The following TDRD3 variants were observed in gnomAD, a reference collection of about 807,000 sequenced individuals.
The protein encoded by TDRD3 is tudor domain-containing protein 3.
TDRD3 carries 45 observed loss-of-function variants against 86.7 expected under a neutral mutation model. The observed-to-expected ratio is 0.52, with a 90% confidence interval of 0.41 to 0.67. The LOEUF (loss-of-function observed/expected upper bound fraction) is 0.67. Among genes scored for constraint, TDRD3 ranks in the 30% least tolerant of loss-of-function variants. The pLI, the probability that TDRD3 is intolerant of heterozygous loss-of-function variation, is 0.00. For synonymous variants in TDRD3, 298 were observed against 301.7 expected, an observed-to-expected ratio of 0.99 and a Z score of 0.13; for missense variants, 814 against 889.0, an observed-to-expected ratio of 0.92 and a Z score of 1.07.
intron 12 of TDRD3, among the ~76,000 whole-genome samples, chr13:60,550,434 G>A (rs1958022756): frequency 6.6e-6 from 1 of 152,078 alleles, no homozygotes; most frequent in Non-Finnish European, 1.5e-5. Context: ...CAATAGTCAT[G>A]TTCTTGGAGG....
chr13:60,406,789 C>T (rs886907783), intron 1 of TDRD3, among the ~76,000 whole-genome samples: 1 of 152,150 alleles, frequency 6.6e-6, no homozygotes, highest in African/African-American at 2.4e-5. Context: ...TTAAAACACT[C>T]TTTATAAATT....
intron 1 of TDRD3, among the ~76,000 whole-genome samples, chr13:60,397,737 G>A (rs948417163): frequency 6.6e-6 from 1 of 151,396 alleles, no homozygotes; most frequent in Non-Finnish European, 1.5e-5. Context: ...GCGCCGGGGA[G>A]GACCTGCAGC....
chr13:60,568,154 T>C (rs938045218), intron 13 of TDRD3, among the ~76,000 whole-genome samples: 5 of 152,214 alleles, frequency 3.3e-5, no homozygotes, highest in African/African-American at 1.2e-4. Flanking sequence ...GGTTAAAAAT[T>C]AGTTCTGCCA....
At chr13:60,524,506 C>CAAA (rs71092681) in intron 10 of TDRD3, among the ~76,000 whole-genome samples, 2 of 141,904 alleles carry the variant, frequency 1.4e-5, no homozygotes, top group Admixed American at 1.4e-4. Context: ...GGCTCCATCT[C>CAAA]AAAAAAAAAA....
intron 1 of TDRD3, among the ~76,000 whole-genome samples, chr13:60,420,387 T>C (rs1426045427): frequency 6.6e-6 from 1 of 152,082 alleles, no homozygotes; most frequent in Non-Finnish European, 1.5e-5. Flanking sequence ...TCAGTTTTTT[T>C]TTTCTTTTAT....
intron 1 of TDRD3, among the ~76,000 whole-genome samples, chr13:60,419,686 G>A (rs1954608805): frequency 1.3e-5 from 2 of 151,956 alleles, no homozygotes; most frequent in African/African-American, 2.4e-5. Flanking sequence ...AATGCATGTG[G>A]GGCTTAAAAC....
At chr13:60,525,376 G>T (rs534808014) in intron 10 of TDRD3, among the ~76,000 whole-genome samples, 8 of 151,544 alleles carry the variant, frequency 5.3e-5, no homozygotes, top group African/African-American at 1.7e-4. Context: ...GTTTCACCAT[G>T]TTGGCCAGGC....
rs369856917 is a variant in TDRD3 at position 60,483,770 on chromosome 13, C to T, written c.496-5C>T. ...TGCTCTTTTGTGACTGGATTTTTTC[C>T]GCAGAGCTTATCAAAACACAATAGA... On this transcript the variant is annotated splice_polypyrimidine_tract_variant and splice_region_variant and intron_variant, in intron 5 of 13. Transcript: ENST00000377881. The T allele has an allele frequency of 6.8e-5, 109 of 1,601,124 alleles. No individual in the cohort carries two copies. The highest frequency in any genetic ancestry group is 3.5e-4 in the African/African-American group (26 of 74,086).
intron 12 of TDRD3, among the ~76,000 whole-genome samples, chr13:60,564,704 T>G (rs1958409667): frequency 6.6e-6 from 1 of 152,188 alleles, no homozygotes; most frequent in Non-Finnish European, 1.5e-5. Context: ...TAAAAAATGT[T>G]TGTAAACTAT....
At chr13:60,481,855 T>C (rs1566229768) in intron 5 of TDRD3, among the ~76,000 whole-genome samples, 1 of 152,202 alleles carries the variant, frequency 6.6e-6, no homozygotes, top group Non-Finnish European at 1.5e-5. Context: ...CTATTTTCCT[T>C]TAATGAGTAT....
In TDRD3 at chr13:60,510,620, G is replaced by T; in HGVS notation, c.1016-10G>T. The T allele has an allele frequency of 6.3e-7, 1 of 1,581,848 alleles. No individual in the cohort carries two copies. The highest frequency in any genetic ancestry group is 8.6e-7 in the Non-Finnish European group (1 of 1,166,910). On this transcript the variant is annotated splice_polypyrimidine_tract_variant and intron_variant, in intron 9 of 13. Coordinates refer to ENST00000377881, the MANE Select transcript of TDRD3 (RefSeq NM_001146070.2). ...TATACAGTACATATTTCTTGCTTTT[G>T]CATCTAAAGGTAGAGGAAAAGGCAG...
intron 12 of TDRD3, among the ~76,000 whole-genome samples, chr13:60,561,174 C>T (rs908829843): frequency 2.6e-5 from 4 of 151,774 alleles, no homozygotes; most frequent in East Asian, 1.9e-4. Context: ...TAATGAAACC[C>T]GAGGGTTTTT....
chr13:60,487,160 T>C (rs1282702175), intron 7 of TDRD3, among the ~76,000 whole-genome samples: 1 of 152,206 alleles, frequency 6.6e-6, no homozygotes. Context: ...ATATAACATT[T>C]ATACCATATA....
intron 1 of TDRD3, among the ~76,000 whole-genome samples, chr13:60,423,208 A>T (rs754497661): frequency 7.9e-5 from 12 of 152,210 alleles, no homozygotes; most frequent in Non-Finnish European, 1.8e-4. Context: ...TTTAAATATT[A>T]AGGCCATATA....
rs529130357 is a variant in TDRD3 at position 60,465,982 on chromosome 13, T to A, written c.354-1256T>A. Among the ~76,000 whole-genome samples, 5 of 152,270 alleles carry A rather than the reference T, an allele frequency of 3.3e-5. No homozygotes were observed. In the East Asian group the frequency reaches 9.6e-4, roughly 29 times the overall value. On this transcript the variant is annotated intron_variant, in intron 4 of 13. Coordinates refer to ENST00000377881, the MANE Select transcript of TDRD3 (RefSeq NM_001146070.2). ...TTCCTTGTTTTCCTTTGCCAGAGGG[T>A]TAAGAGGGTAAACATTTTGTCTCTG... is the stretch of plus-strand genomic sequence containing the variant.
At chr13:60,411,933 A>G (rs943294605) in intron 1 of TDRD3, among the ~76,000 whole-genome samples, 1 of 152,174 alleles carries the variant, frequency 6.6e-6, no homozygotes, top group Non-Finnish European at 1.5e-5. Flanking sequence ...GTAGCTGACA[A>G]ATTTGGGTTT....
Position 60,459,338 on chromosome 13 carries a change from T to A in TDRD3, c.193-1042T>A, listed in dbSNP as rs577548738. On this transcript the variant is annotated intron_variant, in intron 3 of 13. Coordinates refer to ENST00000377881, the MANE Select transcript of TDRD3 (RefSeq NM_001146070.2). ...AAAGATGTAGAAGTTGCCACTTTAGTTAAATTTACTTTTCAGACACGTAAG... is the reference window on the plus strand; with the variant it reads ...AAAGATGTAGAAGTTGCCACTTTAGATAAATTTACTTTTCAGACACGTAAG... Among the ~76,000 whole-genome samples, 4 of 152,352 alleles carry A rather than the reference T, an allele frequency of 2.6e-5. No homozygotes were observed. In the South Asian group the frequency reaches 8.3e-4, roughly 32 times the overall value.
chr13:60,435,931 T>TA (rs568916003), intron 1 of TDRD3, among the ~76,000 whole-genome samples: 2 of 148,444 alleles, frequency 1.3e-5, no homozygotes, highest in African/African-American at 2.4e-5. Context: ...TTTTTTTTTT[T>TA]ACTTTTTAAT....
chr13:60,490,509 T>C (rs1956562353), intron 7 of TDRD3, among the ~76,000 whole-genome samples: 1 of 152,154 alleles, frequency 6.6e-6, no homozygotes, highest in African/African-American at 2.4e-5. Context: ...TGTAAACTAT[T>C]GTAAAGACAT....
Sources: gnomAD v4.1 joint callset for allele counts (sites outside exome capture counted in the v4.1 genomes callset) on GRCh38, gnomAD v4.1.1 for gene constraint, MANE v1.5 for transcripts, NCBI Gene and HGNC (gene_info 2026-07-23, HGNC 2026-07-21) for gene names.